Variants in TCEANC2 observed in about 807,000 individuals in gnomAD.
TCEANC2 encodes transcription elongation factor A N-terminal and central domain-containing protein 2.
Under a neutral mutation model 22.8 loss-of-function variants are expected in TCEANC2, and 20 were observed. The ratio of observed to expected loss-of-function variants is 0.88; its 90% CI spans 0.62 to 1.28. The LOEUF is 1.28. Among genes scored for constraint, TCEANC2 ranks in the 50% most tolerant of loss-of-function variants. The probability of loss-of-function intolerance (pLI) is 0.00; values close to 1 mark genes in which losing one functional copy is unlikely to be tolerated. For missense variants in TCEANC2, 251 were observed against 249.7 expected (o/e 1.01, Z -0.03); for synonymous variants, 84 against 95.5 (o/e 0.88, Z 0.70).
At chr1:54,082,086 C>G (rs1413273734) in intron 3 of TCEANC2, among the ~76,000 whole-genome samples, 1 of 152,160 alleles carries the variant, frequency 6.6e-6, no homozygotes, top group African/African-American at 2.4e-5. Flanking sequence ...GTGTTCTAAT[C>G]CTAGCTTCCA....
At chr1:54,090,418 T>G (rs999900559) in intron 4 of TCEANC2, among the ~76,000 whole-genome samples, 16 of 152,186 alleles carry the variant, frequency 1.1e-4, no homozygotes, top group Non-Finnish European at 2.4e-4. Context: ...ATAGAGTGAA[T>G]TATATGCCAA....
At chr1:54,064,969 G>A (rs369608577) in intron 2 of TCEANC2, among the ~76,000 whole-genome samples, 9 of 152,214 alleles carry the variant, frequency 5.9e-5, no homozygotes, top group East Asian at 5.8e-4. Context: ...CATAGTGCCG[G>A]GATTACAGGT....
intron 2 of TCEANC2, among the ~76,000 whole-genome samples, chr1:54,065,637 G>C (rs982734913): frequency 6.6e-6 from 1 of 152,120 alleles, no homozygotes; most frequent in African/African-American, 2.4e-5. Flanking sequence ...AGGACCACTT[G>C]AGCCCAGGAG....
chr1:54,094,348 T>C (rs1658504777), intron 4 of TCEANC2, among the ~76,000 whole-genome samples: 1 of 152,204 alleles, frequency 6.6e-6, no homozygotes, highest in African/African-American at 2.4e-5. Context: ...CCCTTTTTAT[T>C]TGGGGTGTGT....
In TCEANC2 at chr1:54,054,401, A is replaced by AGGTAGTCGT. The variant is rs1553168548; in HGVS notation, c.-14_-13insTGGTAGTCG. On this transcript the variant is annotated 5_prime_UTR_variant, in exon 2 of 5. Coordinates refer to ENST00000234827, the MANE Select transcript of TCEANC2 (RefSeq NM_153035.3). The stretch of plus-strand genomic sequence containing the variant: ...ACCAGAACACGCTGCAAGCACGTCA[A>AGGTAGTCGT]GGTAGTCGGAGTCCCCTAACAATGG... The AGGTAGTCGT allele has an allele frequency of 1.2e-6, 2 of 1,613,800 alleles. No individual in the cohort carries two copies. Among genetic ancestry groups the AGGTAGTCGT allele is most frequent in the African/African-American group, 2.7e-5 (2 of 74,916 alleles).
chr1:54,086,814 G>A (rs188976841), intron 3 of TCEANC2, among the ~76,000 whole-genome samples: 2 of 152,304 alleles, frequency 1.3e-5, no homozygotes, highest in Admixed American at 6.5e-5. Context: ...GGCATTAAGG[G>A]GTACCAAACT....
chr1:54,054,447 C>T lies in TCEANC2; in HGVS notation c.25C>T (p.Pro9Ser), dbSNP rs142194812. The T allele has an allele frequency of 6.2e-7, 1 of 1,613,934 alleles. No individual in the cohort carries two copies. Among genetic ancestry groups the T allele is most frequent in the African/African-American group, 1.3e-5 (1 of 74,876 alleles). Residue 9 changes from proline (P) to serine (S), a missense_variant, in exon 2 of 5, where the codon CCT becomes TCT. By Grantham distance (74) the Pro-to-Ser change is moderately conservative. Coordinates refer to ENST00000234827, the MANE Select transcript of TCEANC2 (RefSeq NM_153035.3). Reference sequence around the variant, plus strand: ...AATGGATAAATTCGTCATTCGAACGCCTAGAATCCAGAATAGCCCTCAGAA... The same window carrying T: ...AATGGATAAATTCGTCATTCGAACGTCTAGAATCCAGAATAGCCCTCAGAA... MDKFVIRT[P>S]RIQNSPQKKD...
chr1:54,065,337 G>T (rs1657933707), intron 2 of TCEANC2, among the ~76,000 whole-genome samples: 1 of 152,196 alleles, frequency 6.6e-6, no homozygotes, highest in African/African-American at 2.4e-5. Flanking sequence ...TAAGGGATAG[G>T]CAGAGAAGCC....
chr1:54,096,730 T>C lies in TCEANC2; in HGVS notation c.*257T>C. The C allele has an allele frequency of 8.4e-7, 1 of 1,186,700 alleles. No individual in the cohort carries two copies. The highest frequency in any genetic ancestry group is 3.2e-5 in the South Asian group (1 of 30,904). 73.5% of individuals were successfully genotyped at this position (1,186,700 alleles called of 1,614,324 possible). A position where few individuals can be genotyped will look rare whatever the true frequency, so the allele number is the denominator to read the frequency against. Reference sequence around the variant, plus strand: ...TCACTAGGAAGCGCCATACGGTTGCTATCACCCAACATGGTGAAAGGGTGA... The same window carrying C: ...TCACTAGGAAGCGCCATACGGTTGCCATCACCCAACATGGTGAAAGGGTGA... On this transcript the variant is annotated 3_prime_UTR_variant, in exon 5 of 5. Transcript: ENST00000234827. The surrounding 1 kb of genome is among the most constrained non-coding windows in gnomAD (Gnocchi z 4.9).
downstream of TCEANC2, among the ~76,000 whole-genome samples, chr1:54,110,319 C>T (rs77142878): frequency 7.7e-3 from 1,173 of 152,286 alleles, 12 homozygotes; most frequent in African/African-American, 0.027. Flanking sequence ...TTCAATGGGT[C>T]TGGGTGTGGT....
At chr1:54,069,603 CAAA>C (rs1333889985) in intron 3 of TCEANC2, among the ~76,000 whole-genome samples, 8 of 67,620 alleles carry the variant, frequency 1.2e-4, no homozygotes, top group South Asian at 5.2e-4. Flanking sequence ...GACTCTGTCT[CAAA>C]AAAAAAAAAA....
chr1:54,109,280 A>G (rs1019326879), downstream of TCEANC2, among the ~76,000 whole-genome samples: 5 of 152,182 alleles, frequency 3.3e-5, no homozygotes, highest in Non-Finnish European at 7.3e-5. Context: ...GGTACAAGGA[A>G]AGGTATGTGC....
chr1:54,063,395 A>G (rs1194616341), intron 2 of TCEANC2, among the ~76,000 whole-genome samples: 1 of 152,204 alleles, frequency 6.6e-6, no homozygotes, highest in Non-Finnish European at 1.5e-5. Context: ...ATCTCTCAGT[A>G]TCTGTAGGGG....
Position 54,060,439 on chromosome 1 carries a change from T to C in TCEANC2, c.102+5915T>C, listed in dbSNP as rs955939964. Among the ~76,000 whole-genome samples the C allele has an allele frequency of 6.8e-5, 10 of 148,024 alleles. No homozygotes were observed. In the South Asian group the frequency reaches 1.7e-3, roughly 25 times the overall value. ...AAAAAATTAGCCGGGCGTGGTGGCATGCGCCTATGGTCCTAGCCACTAGGG... is the reference window on the plus strand; with the variant it reads ...AAAAAATTAGCCGGGCGTGGTGGCACGCGCCTATGGTCCTAGCCACTAGGG... On this transcript the variant is annotated intron_variant, in intron 2 of 4. Coordinates refer to ENST00000234827, the MANE Select transcript of TCEANC2 (RefSeq NM_153035.3).
At chr1:54,071,189 G>A (rs76372880) in intron 3 of TCEANC2, among the ~76,000 whole-genome samples, 1 of 152,156 alleles carries the variant, frequency 6.6e-6, no homozygotes, top group Non-Finnish European at 1.5e-5. Context: ...GTTTGGTCTT[G>A]GCATATGTAT....
At position 54,061,907 on chromosome 1, in the gene TCEANC2, T is replaced by G. The variant is rs138542464; in HGVS notation, c.103-6849T>G. On this transcript the variant is annotated intron_variant, in intron 2 of 4. Transcript: ENST00000234827. Reference sequence around the variant, plus strand: ...TAAAAGTGATTCTCAATAGAGCTCATGTAATGTCCATTTAAGTGGTAAAGG... The same window carrying G: ...TAAAAGTGATTCTCAATAGAGCTCAGGTAATGTCCATTTAAGTGGTAAAGG... Among the ~76,000 whole-genome samples, 70 of 152,378 alleles carry G rather than the reference T, an allele frequency of 4.6e-4. No individual in the cohort carries two copies. In the East Asian group the frequency reaches 8.1e-3, roughly 18 times the overall value.
rs1190468541 is a variant in TCEANC2 at position 54,097,647 on chromosome 1, A to C, written c.*1174A>C. 1 of 152,232 alleles carries C rather than the reference A, an allele frequency of 6.6e-6. No homozygotes were observed. Among genetic ancestry groups the C allele is most frequent in the African/African-American group, 2.4e-5 (1 of 41,470 alleles). 9.4% of individuals were successfully genotyped at this position (152,232 alleles called of 1,614,324 possible). A position where few individuals can be genotyped will look rare whatever the true frequency, so the allele number is the denominator to read the frequency against. On this transcript the variant is annotated 3_prime_UTR_variant, in exon 5 of 5. Transcript: ENST00000234827. ...TACCTGGATCTTTATATAGTTTTGTAAAAATATTGCTTACTTCTCTCACCC... is the reference window on the plus strand; with the variant it reads ...TACCTGGATCTTTATATAGTTTTGTCAAAATATTGCTTACTTCTCTCACCC...
At chr1:54,079,913 A>G (rs1379187820) in intron 3 of TCEANC2, among the ~76,000 whole-genome samples, 1 of 151,946 alleles carries the variant, frequency 6.6e-6, no homozygotes, top group Non-Finnish European at 1.5e-5. Flanking sequence ...TGTCTCCTTG[A>G]GTTATCGTTA....
chr1:54,057,587 G>A (rs1035784274), intron 2 of TCEANC2, among the ~76,000 whole-genome samples: 21 of 152,046 alleles, frequency 1.4e-4, no homozygotes, highest in Non-Finnish European at 2.9e-5. Flanking sequence ...ATCTAGAGCA[G>A]TGCTATGGTC....
Sources: allele counts gnomAD v4.1 joint callset (sites outside exome capture counted in the v4.1 genomes callset), GRCh38; gene constraint gnomAD v4.1.1; non-coding constraint Gnocchi (gnomAD v3.1); transcripts MANE v1.5; gene names NCBI Gene and HGNC (gene_info 2026-07-23, HGNC 2026-07-21).